Variants in TARS3 observed in about 807,000 individuals in gnomAD.
TARS3 encodes the protein threonine--tRNA ligase 2, cytoplasmic.
A neutral mutation model predicts 103.5 loss-of-function variants in TARS3; 94 were observed. The ratio of observed to expected loss-of-function variants is 0.91; its 90% CI spans 0.77 to 1.08. The LOEUF (loss-of-function observed/expected upper bound fraction) is 1.08, where lower values mean the gene tolerates loss of function less well. TARS3 is among the 50% of genes least tolerant of loss of function. The probability of loss-of-function intolerance (pLI) is 0.00; values close to 1 mark genes in which losing one functional copy is unlikely to be tolerated. For missense variants in TARS3, 952 were observed against 995.2 expected (o/e 0.96, Z 0.58); for synonymous variants, 416 against 355.4 (o/e 1.17, Z -1.92).
intron 10 of TARS3, among the ~76,000 whole-genome samples, chr15:101,697,031 T>TC (rs1396251870): frequency 6.6e-6 from 1 of 152,142 alleles, no homozygotes; most frequent in Non-Finnish European, 1.5e-5. Context: ...TATATAAATG[T>TC]CCCCCCTTTG....
intron 17 of TARS3, 118 bp downstream of exon 17, chr15:101,657,667 C>T (rs191156807): frequency 2.7e-5 from 16 of 583,362 alleles, no homozygotes; most frequent in East Asian, 1.3e-4. Flanking sequence ...GCTGAAAACA[C>T]GGTTTAAGCT....
chr15:101,683,704 A>G (rs1898347307), intron 12 of TARS3, among the ~76,000 whole-genome samples: 1 of 152,222 alleles, frequency 6.6e-6, no homozygotes, highest in Non-Finnish European at 1.5e-5. Context: ...ATAAACATCA[A>G]TTAGGTCAAA....
At chr15:101,657,155 A>G (rs1484502924) in intron 17 of TARS3, 119 bp from the exon 18 acceptor site, 4 of 632,406 alleles carry the variant, frequency 6.3e-6, no homozygotes, top group Non-Finnish European at 1.1e-5. Context: ...ACTATACCAG[A>G]GCGGGTCTGC....
chr15:101,657,040 G>C lies in TARS3; in HGVS notation c.2146-4C>G, dbSNP rs985624075. 1.3e-6 allele frequency: 2 copies of C among 1,583,904 alleles called. No homozygotes were observed. The highest frequency in any genetic ancestry group is 1.7e-6 in the Non-Finnish European group (2 of 1,153,508). On this transcript the variant is annotated splice_region_variant and splice_polypyrimidine_tract_variant and intron_variant, in intron 17 of 18. Coordinates refer to ENST00000335968, the MANE Select transcript of TARS3 (RefSeq NM_152334.3). Reference sequence around the variant, plus strand: ...CTTCAAAAAATTCACTGGATACCTAGAAGAAAATGAAACACCTTTACTGTT... The same window carrying C: ...CTTCAAAAAATTCACTGGATACCTACAAGAAAATGAAACACCTTTACTGTT...
chr15:101,689,766 A>G (rs1898629685), intron 10 of TARS3, among the ~76,000 whole-genome samples: 1 of 152,214 alleles, frequency 6.6e-6, no homozygotes, highest in South Asian at 2.1e-4. Context: ...GGGAGATAAT[A>G]AATTTCTGTT....
In TARS3 at chr15:101,702,248, C is replaced by A. The variant is rs139020173; in HGVS notation, c.1212G>T (p.Lys404Asn). 8.7e-6 allele frequency: 14 copies of A among 1,614,074 alleles called. No individual in the cohort carries two copies. The highest frequency in any genetic ancestry group is 1.7e-5 in the Admixed American group (1 of 60,004). The change falls in exon 9 of 19, where the codon AAG (lysine) becomes AAT (asparagine). Residue 404 changes from lysine (K) to asparagine (N), a missense_variant. By Grantham distance (94) the Lys-to-Asn change is moderately conservative. Coordinates refer to ENST00000335968, the MANE Select transcript of TARS3 (RefSeq NM_152334.3). ...QEEAKNRDHR[K>N]IGKEQELFFF... ...AAGATGTGGGGCATACCTTCCCGAT[C>A]TTCCTGTGATCTCGGTTCTTTGCTT...
intron 10 of TARS3, among the ~76,000 whole-genome samples, chr15:101,700,479 T>C (rs935022006): frequency 2.0e-5 from 3 of 152,278 alleles, no homozygotes; most frequent in Non-Finnish European, 4.4e-5. Context: ...CCTTTCTTCT[T>C]TTTCACAGGG....
At chr15:101,699,024 A>G (rs1280737975) in intron 10 of TARS3, among the ~76,000 whole-genome samples, 1 of 152,220 alleles carries the variant, frequency 6.6e-6, no homozygotes, top group African/African-American at 2.4e-5. Context: ...GATCGAATTC[A>G]ATGATCAGTC....
intron 3 of TARS3, among the ~76,000 whole-genome samples, chr15:101,719,812 T>C (rs1900355128): frequency 1.3e-5 from 2 of 152,228 alleles, no homozygotes; most frequent in South Asian, 4.1e-4. Flanking sequence ...AATAACTGCA[T>C]GGACCAGAGA....
intron 7 of TARS3, 135 bp from the exon 8 acceptor site, chr15:101,704,072 GA>G: frequency 1.7e-6 from 1 of 573,888 alleles, no homozygotes; most frequent in Non-Finnish European, 3.0e-6. Context: ...AATTTAGGGT[GA>G]AGGAGAGAGG....
Position 101,653,749 on chromosome 15 carries a change from AGCTGAAT to A in TARS3, c.*826_*832del, listed in dbSNP as rs1897095900. Reference sequence around the variant, plus strand: ...AAATAAACAATACTTCTTGTTTGGTAGCTGAATTCTCTATTGACATAATGCCATTTTA... The same window carrying A: ...AAATAAACAATACTTCTTGTTTGGTATCTCTATTGACATAATGCCATTTTA... On this transcript the variant is annotated 3_prime_UTR_variant, in exon 19 of 19. Coordinates refer to ENST00000335968, the MANE Select transcript of TARS3 (RefSeq NM_152334.3). 6.6e-6 allele frequency: 1 copy of A among 152,212 alleles called. No homozygotes were observed. Among genetic ancestry groups the A allele is most frequent in the South Asian group, 2.1e-4 (1 of 4,834 alleles). The allele number at this position is 152,212 out of a possible 1,614,324, so 9.4% of individuals were successfully genotyped here.
chr15:101,704,426 G>A (rs993115145), intron 7 of TARS3, among the ~76,000 whole-genome samples: 15 of 151,988 alleles, frequency 9.9e-5, no homozygotes, highest in African/African-American at 2.7e-4. Context: ...AGGCCGAGGC[G>A]GGTGGATCAC....
Position 101,684,182 on chromosome 15 carries a change from C to T in TARS3, c.1543G>A (p.Asp515Asn). Residue 515 changes from aspartate to asparagine, a missense_variant, in exon 12 of 19, where the codon GAT (aspartate) becomes AAT (asparagine). Around this residue, in one of 2 missense-constraint regions of TARS3, gnomAD observed 540 missense variants for 631.0 expected, o/e 0.86. Coordinates refer to ENST00000335968, the MANE Select transcript of TARS3 (RefSeq NM_152334.3). ...TCATTTCTATGCAGAACTCCAAAAT[C>T]AGCAAATCTAATAGGCATTTCCCTC... Reference protein sequence around the residue: ...SWREMPIRFADFGVLHRNELS... With the variant: ...SWREMPIRFANFGVLHRNELS... 1.2e-6 allele frequency: 2 copies of T among 1,614,068 alleles called. No individual in the cohort carries two copies. The highest frequency in any genetic ancestry group is 1.7e-6 in the Non-Finnish European group (2 of 1,179,934).
chr15:101,702,944 G>A (rs1235940615), intron 8 of TARS3, among the ~76,000 whole-genome samples: 1 of 152,216 alleles, frequency 6.6e-6, no homozygotes, highest in Non-Finnish European at 1.5e-5. Context: ...AGAGCACACA[G>A]AAAGGAGGGA....
chr15:101,683,210 T>C (rs1898324950), intron 12 of TARS3, among the ~76,000 whole-genome samples: 1 of 152,210 alleles, frequency 6.6e-6, no homozygotes, highest in Non-Finnish European at 1.5e-5. Context: ...AAGTCATTGA[T>C]TTTTCTTTTC....
At chr15:101,714,070 T>G (rs1176208595) in intron 4 of TARS3, among the ~76,000 whole-genome samples, 1 of 152,210 alleles carries the variant, frequency 6.6e-6, no homozygotes, top group African/African-American at 2.4e-5. Flanking sequence ...ACTGCAACGT[T>G]CAGGCGACAA....
chr15:101,656,871 T>C (rs1310985759), intron 18 of TARS3, 51 bp downstream of exon 18: 2 of 1,131,454 alleles, frequency 1.8e-6, no homozygotes, highest in Admixed American at 4.2e-5. Context: ...TCTTTTGGAA[T>C]TGAAGTGGGA....
At chr15:101,674,973 A>G (rs1212068851) in intron 13 of TARS3, among the ~76,000 whole-genome samples, 1 of 152,102 alleles carries the variant, frequency 6.6e-6, no homozygotes, top group Non-Finnish European at 1.5e-5. Context: ...ATTATATTCC[A>G]AGAAGAGGAG....
intron 10 of TARS3, among the ~76,000 whole-genome samples, chr15:101,686,716 C>A (rs897482669): frequency 1.3e-5 from 2 of 152,104 alleles, no homozygotes; most frequent in African/African-American, 4.8e-5. Context: ...GCATATTCTG[C>A]TGTTGTTTTA....
Sources: gnomAD v4.1 joint callset for allele counts (sites outside exome capture counted in the v4.1 genomes callset) on GRCh38, gnomAD v4.1.1 for gene constraint, gnomAD v4.1.1 regional missense constraint, MANE v1.5 for transcripts, NCBI Gene and HGNC (gene_info 2026-07-23, HGNC 2026-07-21) for gene names.